ATP1B4: variants seen among roughly 807,000 people sequenced by gnomAD.
ATP1B4 encodes ATPase Na+/K+ transporting family member beta 4, also known as protein ATP1B4.
ATP1B4 carries 32 observed loss-of-function variants against 29.6 expected under a neutral mutation model. The observed-to-expected ratio is 1.08, with a 90% CI of 0.82 to 1.45. The LOEUF (loss-of-function observed/expected upper bound fraction) is 1.45, where lower values mean the gene tolerates loss of function less well. Among genes scored for constraint, ATP1B4 ranks in the 40% most tolerant of loss-of-function variants. The pLI is 0.00. For missense variants in ATP1B4, 323 were observed against 276.2 expected, an observed-to-expected ratio of 1.17 and a Z score of -1.20; for synonymous variants, 127 against 102.1, an observed-to-expected ratio of 1.24 and a Z score of -1.47.
In ATP1B4 at chrX:120,382,147, G is replaced by GT. The variant is rs2058383721; in HGVS notation, c.*2519dup. The GT allele has an allele frequency of 9.0e-6, 1 of 111,407 alleles. No homozygotes were observed. Among genetic ancestry groups the GT allele is most frequent in the South Asian group, 3.8e-4 (1 of 2,650 alleles). 9.2% of individuals were successfully genotyped at this position (111,407 alleles called of 1,213,427 possible). A position where few individuals can be genotyped will look rare whatever the true frequency, so the allele number is the denominator to read the frequency against. ...CTATACCAATCTAGTCCCTAACAGTGTTTTTTCTCTTGTGGCAGAAAGAAT... is the reference window on the plus strand; with the variant it reads ...CTATACCAATCTAGTCCCTAACAGTGTTTTTTTCTCTTGTGGCAGAAAGAAT... On this transcript the variant is annotated 3_prime_UTR_variant, in exon 8 of 8. Coordinates refer to ENST00000218008, the MANE Select transcript of ATP1B4 (RefSeq NM_001142447.3).
At chrX:120,372,951 G>A (rs1242072894) in intron 4 of ATP1B4, among the ~76,000 whole-genome samples, 4 of 112,246 alleles carry the variant, frequency 3.6e-5, no homozygotes, top group African/African-American at 9.7e-5. Context: ...ATGCTTGCAA[G>A]CGATTGCAAA....
intron 4 of ATP1B4, among the ~76,000 whole-genome samples, chrX:120,373,120 A>G (rs1291460343): frequency 8.9e-6 from 1 of 112,066 alleles, no homozygotes; most frequent in Non-Finnish European, 1.9e-5. Context: ...AAAGAAGCAC[A>G]TCTCTGAAAT....
chrX:120,364,041 G>C (rs1220337497), intron 1 of ATP1B4, among the ~76,000 whole-genome samples: 3 of 110,559 alleles, frequency 2.7e-5, no homozygotes, highest in Admixed American at 9.6e-5. Flanking sequence ...AGCCTCTCGG[G>C]TGTGAGAGCT....
intron 1 of ATP1B4, among the ~76,000 whole-genome samples, chrX:120,364,684 C>A (rs2058276878): frequency 8.9e-6 from 1 of 112,295 alleles, no homozygotes; most frequent in South Asian, 3.7e-4. Flanking sequence ...CTATGTCAGT[C>A]AGCCATCCTT....
At chrX:120,378,611 C>G in intron 6 of ATP1B4, 67 bp from the exon 7 acceptor site, 1 of 920,128 alleles carries the variant, frequency 1.1e-6, no homozygotes, top group Non-Finnish European at 1.6e-6. Flanking sequence ...GGGTACAACT[C>G]CCTTTAGCTC....
intron 4 of ATP1B4, among the ~76,000 whole-genome samples, chrX:120,373,276 G>A (rs2058323168): frequency 1.8e-5 from 2 of 112,247 alleles, no homozygotes; most frequent in South Asian, 3.7e-4. Context: ...AGTTATTTGA[G>A]CATAGTTCTT....
At position 120,381,167 on chromosome X, in the gene ATP1B4, G is replaced by C. The variant is rs1435382025; in HGVS notation, c.*1533G>C. 8.9e-6 allele frequency: 1 copy of C among 112,003 alleles called. No individual in the cohort carries two copies. Among genetic ancestry groups the C allele is most frequent in the Non-Finnish European group, 1.9e-5 (1 of 53,210 alleles). The allele number at this position is 112,003 out of a possible 1,213,427, so 9.2% of individuals were successfully genotyped here. On this transcript the variant is annotated 3_prime_UTR_variant, in exon 8 of 8. Transcript: ENST00000218008. ...TATGTGGAAAGCTATGGGAATATGAGGAAAAATATCTTGAGCTAAGAAAGT... is the reference window on the plus strand; with the variant it reads ...TATGTGGAAAGCTATGGGAATATGACGAAAAATATCTTGAGCTAAGAAAGT...
At chrX:120,370,162 T>C (rs952112852) in intron 2 of ATP1B4, among the ~76,000 whole-genome samples, 30 of 111,907 alleles carry the variant, frequency 2.7e-4, no homozygotes, top group Admixed American at 1.9e-4. Context: ...GCCATTTTAT[T>C]CATCTTTGCT....
At position 120,381,554 on chromosome X, in the gene ATP1B4, G is replaced by C. The variant is rs1602511456; in HGVS notation, c.*1920G>C. ...CAACCTCCACCTCCCGGATTCAAGT[G>C]ATTCTCCAGCCTCAGCCTCCTGAGT... On this transcript the variant is annotated 3_prime_UTR_variant, in exon 8 of 8. Transcript: ENST00000218008. The C allele has an allele frequency of 9.0e-6, 1 of 111,701 alleles. No individual in the cohort carries two copies. Among genetic ancestry groups the C allele is most frequent in the East Asian group, 2.8e-4 (1 of 3,584 alleles). 9.2% of individuals were successfully genotyped at this position (111,701 alleles called of 1,213,427 possible). A position where few individuals can be genotyped will look rare whatever the true frequency, so the allele number is the denominator to read the frequency against.
At position 120,376,381 on chromosome X, in the gene ATP1B4, T is replaced by C. The variant is rs757367445; in HGVS notation, c.761T>C (p.Ile254Thr). Residue 254 changes from isoleucine (I) to threonine (T), a missense_variant and splice_region_variant, in exon 6 of 8, where the codon ATT (isoleucine) becomes ACT (threonine). Coordinates refer to ENST00000218008, the MANE Select transcript of ATP1B4 (RefSeq NM_001142447.3). Reference protein sequence around the residue: ...QPCILLKMNRIVGFRPELGDP... With the variant: ...QPCILLKMNRTVGFRPELGDP... ...AAAACACTGGTTTTCTTTTGATAGATTGTAGGCTTTCGTCCTGAGCTTGGA... is the reference window on the plus strand; with the variant it reads ...AAAACACTGGTTTTCTTTTGATAGACTGTAGGCTTTCGTCCTGAGCTTGGA... The C allele has an allele frequency of 8.3e-7, 1 of 1,209,898 alleles. No individual in the cohort carries two copies. Among genetic ancestry groups the C allele is most frequent in the Non-Finnish European group, 1.1e-6 (1 of 894,104 alleles).
At chrX:120,375,655 T>C in intron 5 of ATP1B4, 87 bp downstream of exon 5, 1 of 805,297 alleles carries the variant, frequency 1.2e-6, no homozygotes, top group Non-Finnish European at 1.8e-6. Flanking sequence ...GGTCTCTGTC[T>C]TCACACACCA....
At chrX:120,368,326 G>A (rs184780745) in intron 2 of ATP1B4, among the ~76,000 whole-genome samples, 30 of 111,912 alleles carry the variant, frequency 2.7e-4, no homozygotes, top group Non-Finnish European at 5.1e-4. Context: ...TAAAGCACAC[G>A]CCTTGCTGTC....
intron 6 of ATP1B4, among the ~76,000 whole-genome samples, chrX:120,376,776 T>C (rs1319130581): frequency 8.9e-6 from 1 of 112,439 alleles, no homozygotes; most frequent in Non-Finnish European, 1.9e-5. Flanking sequence ...ACTTTTGCTT[T>C]TAGCTCTAAT....
In ATP1B4 at chrX:120,376,437, G is replaced by A; in HGVS notation, c.816+1G>A. On this transcript the variant is annotated splice_donor_variant, in intron 6 of 7. Coordinates refer to ENST00000218008, the MANE Select transcript of ATP1B4 (RefSeq NM_001142447.3). LOFTEE classifies it high-confidence loss of function. ...TGTGAAGGTTTCCTGCAAAGTTCAG[G>A]TAAAGAGTCCTTTTGAGTAAGCATT... 8.3e-7 allele frequency: 1 copy of A among 1,206,011 alleles called. No individual in the cohort carries two copies. Among genetic ancestry groups the A allele is most frequent in the South Asian group, 1.8e-5 (1 of 56,705 alleles).
rs764392371 is a variant in ATP1B4, at chrX:120,376,452, G to C, written c.816+16G>C. ...CAAAGTTCAGGTAAAGAGTCCTTTT[G>C]AGTAAGCATTGTTAGCACATCTGTT... On this transcript the variant is annotated intron_variant, in intron 6 of 7. Coordinates refer to ENST00000218008, the MANE Select transcript of ATP1B4 (RefSeq NM_001142447.3). The C allele has an allele frequency of 6.7e-6, 8 of 1,194,450 alleles. No individual in the cohort carries two copies. The highest frequency in any genetic ancestry group is 8.0e-6 in the Non-Finnish European group (7 of 880,132).
rs2058380236 is a variant in ATP1B4 at position 120,381,350 on chromosome X, G to C, written c.*1716G>C. The stretch of plus-strand genomic sequence containing the variant: ...GAGAGGTATTCAGGGATGGAAAGAG[G>C]ACTTTGAGTTTTATCCAATAGGTGA... On this transcript the variant is annotated 3_prime_UTR_variant, in exon 8 of 8. Coordinates refer to ENST00000218008, the MANE Select transcript of ATP1B4 (RefSeq NM_001142447.3). The C allele has an allele frequency of 8.9e-6, 1 of 112,248 alleles. No individual in the cohort carries two copies. The highest frequency in any genetic ancestry group is 9.4e-5 in the Admixed American group (1 of 10,640). The allele number at this position is 112,248 out of a possible 1,213,427, so 9.3% of individuals were successfully genotyped here.
At chrX:120,374,084 G>A (rs2058327741) in intron 4 of ATP1B4, among the ~76,000 whole-genome samples, 1 of 111,157 alleles carries the variant, frequency 9.0e-6, no homozygotes, top group Admixed American at 9.5e-5. Flanking sequence ...TCAAGACAGG[G>A]GTATTGCAAT....
intron 1 of ATP1B4, among the ~76,000 whole-genome samples, chrX:120,365,317 A>C (rs1183946481): frequency 1.8e-5 from 2 of 112,512 alleles, no homozygotes; most frequent in Admixed American, 1.9e-4. Flanking sequence ...ATCAAGAGCT[A>C]GATAGTGCTG....
At chrX:120,370,586 A>G (rs2058307967) in intron 2 of ATP1B4, 129 bp from the exon 3 acceptor site, 1 of 808,099 alleles carries the variant, frequency 1.2e-6, no homozygotes, top group Non-Finnish European at 1.8e-6. Context: ...ATAAGCAAGG[A>G]CATACTGAAT....
Sources: allele counts gnomAD v4.1 joint callset (sites outside exome capture counted in the v4.1 genomes callset), GRCh38; gene constraint gnomAD v4.1.1; transcripts MANE v1.5; gene names NCBI Gene and HGNC (gene_info 2026-07-23, HGNC 2026-07-21).